Variants in CADM2 observed in about 807,000 individuals in gnomAD.
CADM2 encodes the protein cell adhesion molecule 2, also known as immunoglobulin superfamily member 4D.
CADM2 carries 12 observed loss-of-function variants against 49.8 expected under a neutral mutation model. The observed-to-expected ratio is 0.24, with a 90% CI of 0.15 to 0.39. The LOEUF (loss-of-function observed/expected upper bound fraction) is 0.39. Ranked by LOEUF, CADM2 falls within the 10% of genes least tolerant of loss-of-function variation. The pLI, the probability that CADM2 is intolerant of heterozygous loss-of-function variation, is 1.00. For synonymous variants in CADM2, 214 were observed against 175.4 expected (o/e 1.22, Z -1.74); for missense variants, 378 against 492.3 (o/e 0.77, Z 2.20).
chr3:85,940,624 C>T (rs974362186), intron 7 of CADM2, among the ~76,000 whole-genome samples: 1 of 152,064 alleles, frequency 6.6e-6, no homozygotes, highest in African/African-American at 2.4e-5. Context: ...ATATTTACCG[C>T]TCTCCTGCTA....
At chr3:85,430,355 A>C (rs996523543) in intron 1 of CADM2, among the ~76,000 whole-genome samples, 2 of 151,964 alleles carry the variant, frequency 1.3e-5, no homozygotes, top group Non-Finnish European at 2.9e-5. Flanking sequence ...AAATGTATTG[A>C]CTCATGAAAG....
intron 1 of CADM2, among the ~76,000 whole-genome samples, chr3:85,580,080 A>G (rs776596926): frequency 1.1e-4 from 17 of 152,174 alleles, no homozygotes; most frequent in Non-Finnish European, 7.4e-5. Flanking sequence ...GCAAGAAATC[A>G]TTTACATAAT....
chr3:85,840,254 TTTAA>T (rs905311933), intron 3 of CADM2, among the ~76,000 whole-genome samples: 3 of 151,854 alleles, frequency 2.0e-5, no homozygotes, highest in African/African-American at 7.2e-5. Context: ...TTGCAGCAAG[TTTAA>T]TTAGTTTTTG....
At chr3:85,283,119 A>T (rs1013798139) in intron 1 of CADM2, among the ~76,000 whole-genome samples, 6 of 152,052 alleles carry the variant, frequency 3.9e-5, no homozygotes, top group African/African-American at 2.4e-5. Context: ...GTTCAATTTT[A>T]TATTCATTGG....
rs566795873 is a variant in CADM2 at position 85,674,594 on chromosome 3, A to G, written c.62-51928A>G. ...ACTTTTTAGTTTTTGAAATATTAAA[A>G]TGAGATTATTTAAACAGATGAAAGA... On this transcript the variant is annotated intron_variant, in intron 1 of 9. Transcript: ENST00000383699. Among the ~76,000 whole-genome samples, 11 of 152,278 alleles carry G rather than the reference A, an allele frequency of 7.2e-5. 1 individual carries two copies. In the South Asian group the frequency reaches 1.0e-3, roughly 14 times the overall value.
At chr3:85,433,458 T>C (rs1011042688) in intron 1 of CADM2, among the ~76,000 whole-genome samples, 6 of 152,220 alleles carry the variant, frequency 3.9e-5, no homozygotes, top group Non-Finnish European at 8.8e-5. Flanking sequence ...AAAATCATTA[T>C]GGATTGCCTC....
chr3:85,086,260 A>AT (rs564959419), intron 1 of CADM2, among the ~76,000 whole-genome samples: 1 of 152,082 alleles, frequency 6.6e-6, no homozygotes. Flanking sequence ...TATGTATATT[A>AT]TTTTTTCCAG....
chr3:85,038,451 A>C (rs2035306898), intron 1 of CADM2, among the ~76,000 whole-genome samples: 1 of 152,216 alleles, frequency 6.6e-6, no homozygotes, highest in Admixed American at 6.5e-5. Context: ...TCAAGGGATA[A>C]GTGGATAGCA....
At chr3:85,394,374 A>G (rs2034667995) in intron 1 of CADM2, among the ~76,000 whole-genome samples, 1 of 152,210 alleles carries the variant, frequency 6.6e-6, no homozygotes, top group African/African-American at 2.4e-5. Context: ...AAGGTATGAT[A>G]TGAAAACTTA....
At chr3:85,468,302 A>G (rs1041394551) in intron 1 of CADM2, among the ~76,000 whole-genome samples, 2 of 151,646 alleles carry the variant, frequency 1.3e-5, no homozygotes, top group African/African-American at 4.9e-5. Context: ...CGTAGAGAAG[A>G]TGCTCACATT....
intron 1 of CADM2, among the ~76,000 whole-genome samples, chr3:85,272,522 G>C (rs1001931223): frequency 2.0e-5 from 3 of 151,154 alleles, no homozygotes; most frequent in Non-Finnish European, 4.4e-5. Flanking sequence ...TCTCAAACTG[G>C]AGAAAATAAT....
intron 5 of CADM2, among the ~76,000 whole-genome samples, chr3:85,895,746 T>C (rs992904818): frequency 1.3e-5 from 2 of 152,202 alleles, no homozygotes; most frequent in Non-Finnish European, 2.9e-5. Flanking sequence ...TGAGATCTGA[T>C]GGTTATATAA....
chr3:85,728,024 A>G (rs1211641120), intron 2 of CADM2, among the ~76,000 whole-genome samples: 2 of 152,186 alleles, frequency 1.3e-5, no homozygotes, highest in Non-Finnish European at 2.9e-5. Context: ...TCATTACAGT[A>G]TTTGATCACA....
intron 1 of CADM2, among the ~76,000 whole-genome samples, chr3:85,456,581 G>A (rs1299960697): frequency 6.6e-6 from 1 of 152,052 alleles, no homozygotes; most frequent in Non-Finnish European, 1.5e-5. Context: ...TTTTTCAAAA[G>A]TTTAACATAT....
At chr3:85,057,960 G>A (rs141884418) in intron 1 of CADM2, among the ~76,000 whole-genome samples, 2 of 152,184 alleles carry the variant, frequency 1.3e-5, no homozygotes, top group East Asian at 1.9e-4. Flanking sequence ...GAATTTTCCC[G>A]ATGGTAGGTA....
chr3:85,584,114 T>C (rs1011354269), intron 1 of CADM2, among the ~76,000 whole-genome samples: 4 of 152,100 alleles, frequency 2.6e-5, no homozygotes, highest in Non-Finnish European at 4.4e-5. Context: ...TTTTGGTTAG[T>C]GTAAATTTAG....
Position 84,959,443 on chromosome 3 carries a change from G to C in CADM2, c.-165G>C, listed in dbSNP as rs1444829257. 6.5e-6 allele frequency: 4 copies of C among 618,298 alleles called. No individual in the cohort carries two copies. The highest frequency in any genetic ancestry group is 1.1e-5 in the Non-Finnish European group (4 of 356,256). The allele number at this position is 618,298 out of a possible 1,614,324, so 38.3% of individuals were successfully genotyped here. A position where few individuals can be genotyped will look rare whatever the true frequency, so the allele number is the denominator to read the frequency against. ...CGGGTGCTTTGCCGCTGCCGCTTCT[G>C]CTGCCGCCGATCCGAGTCCGCGGGT... On this transcript the variant is annotated 5_prime_UTR_variant, in exon 1 of 10. Transcript: ENST00000383699.
chr3:86,051,457 C>T (rs1202780354), intron 8 of CADM2, among the ~76,000 whole-genome samples: 1 of 152,124 alleles, frequency 6.6e-6, no homozygotes, highest in African/African-American at 2.4e-5. Context: ...TTTTTCCAGC[C>T]TCGCCTATTA....
intron 1 of CADM2, among the ~76,000 whole-genome samples, chr3:85,527,618 C>T (rs1226631487): frequency 6.6e-6 from 1 of 151,268 alleles, no homozygotes; most frequent in Non-Finnish European, 1.5e-5. Flanking sequence ...AATCAAAATG[C>T]ACACCCATAA....
Sources: allele counts gnomAD v4.1 joint callset (sites outside exome capture counted in the v4.1 genomes callset), GRCh38; gene constraint gnomAD v4.1.1; transcripts MANE v1.5; gene names NCBI Gene and HGNC (gene_info 2026-07-23, HGNC 2026-07-21).